Variants in SETDB2 observed in about 807,000 individuals in gnomAD.
SETDB2 encodes the protein SET domain bifurcated histone lysine methyltransferase 2, also known as histone-lysine N-methyltransferase SETDB2.
In SETDB2, 56 loss-of-function variants were observed where a neutral mutation model predicts 82.5. That is an observed-to-expected ratio of 0.68 (90% CI 0.55 to 0.85). The LOEUF (loss-of-function observed/expected upper bound fraction) is 0.85, where lower values mean the gene tolerates loss of function less well. SETDB2 is among the 40% of genes least tolerant of loss of function. The probability of loss-of-function intolerance (pLI) is 0.00; values close to 1 mark genes in which losing one functional copy is unlikely to be tolerated. For synonymous variants in SETDB2, 272 were observed against 284.9 expected, an observed-to-expected ratio of 0.95 and a Z score of 0.46; for missense variants, 677 against 816.4, an observed-to-expected ratio of 0.83 and a Z score of 2.08.
intron 5 of SETDB2, among the ~76,000 whole-genome samples, chr13:49,470,966 C>CTTTCTTTCTTTTTTTTTTTTTTT (rs10695231): frequency 5.0e-5 from 4 of 80,482 alleles, no homozygotes; most frequent in Non-Finnish European, 6.4e-5. Flanking sequence ...TTCTTTCTTT[C>CTTTCTTTCTTTTTTTTTTTTTTT]TTTTTTTTTT....
rs1958451665 is a variant in SETDB2 at position 49,480,267 on chromosome 13, C to T, written c.918C>T (p.Ser306=). The stretch of plus-strand genomic sequence containing the variant: ...TGACAGCAAGGAATGCCAAAACTTC[C>T]CCCTTGTCAAGTGACAAAATAACCA... ...LQLTARNAKT[S]PLSSDKITTG... is the part of the protein sequence containing the mutation. The change falls in exon 7 of 14, where the codon TCC becomes TCT. Residue 306 remains serine (S), a synonymous_variant. Transcript: ENST00000611815. The T allele has an allele frequency of 6.2e-7, 1 of 1,611,628 alleles. No individual in the cohort carries two copies. Among genetic ancestry groups the T allele is most frequent in the Admixed American group, 1.7e-5 (1 of 59,240 alleles).
At chr13:49,483,341 TCTTA>T (rs1387941115) in intron 9 of SETDB2, 119 bp from the exon 10 acceptor site, 2 of 436,928 alleles carry the variant, frequency 4.6e-6, no homozygotes, top group Non-Finnish European at 8.2e-6. Context: ...ACATAGATGT[TCTTA>T]CTTAGGTTAA....
intron 5 of SETDB2, among the ~76,000 whole-genome samples, chr13:49,471,936 T>TATA (rs71664753): frequency 3.3e-3 from 317 of 95,772 alleles, no homozygotes; most frequent in African/African-American, 8.2e-3. Flanking sequence ...ATATATATAT[T>TATA]TTTTTTTTTT....
intron 5 of SETDB2, among the ~76,000 whole-genome samples, chr13:49,471,671 T>G (rs1958244577): frequency 6.6e-6 from 1 of 151,750 alleles, no homozygotes; most frequent in African/African-American, 2.4e-5. Context: ...TGCACACACA[T>G]GTACCTACAC....
intron 13 of SETDB2, 41 bp downstream of exon 13, chr13:49,490,951 C>G: frequency 6.6e-7 from 1 of 1,520,428 alleles, no homozygotes; most frequent in East Asian, 2.3e-5. Context: ...GAAATTGTGA[C>G]TTTAAAAATA....
rs748276039 is a variant in SETDB2, at chr13:49,483,470, G to A, written c.1389G>A (p.Thr463=). The change falls in exon 10 of 14, where the codon ACG becomes ACA. Residue 463 remains threonine, a synonymous_variant. Transcript: ENST00000611815. ...ACTTTTTTTTCCTTTTTAGGGAAAC[G>A]AAATATGATAATATTTCAAGAATTC... ...SNNPKELTVE[T]KYDNISRIQY... is the part of the protein sequence containing the mutation. 20 of 1,343,676 alleles carry A rather than the reference G, an allele frequency of 1.5e-5. No homozygotes were observed. Among genetic ancestry groups the A allele is most frequent in the African/African-American group, 3.0e-5 (2 of 65,996 alleles). The allele number at this position is 1,343,676 out of a possible 1,614,324, so 83.2% of individuals were successfully genotyped here.
Position 49,491,881 on chromosome 13 carries a change from C to T in SETDB2, c.*32C>T. ...AACTAACGCCTGTTTGTGAAATTAG[C>T]TTATCAGGCTGAAATTAAAGCCATG... On this transcript the variant is annotated 3_prime_UTR_variant, in exon 14 of 14. Transcript: ENST00000611815. The T allele has an allele frequency of 4.2e-6, 6 of 1,429,254 alleles. No individual in the cohort carries two copies. The highest frequency in any genetic ancestry group is 5.9e-6 in the Non-Finnish European group (6 of 1,012,984). 88.5% of individuals were successfully genotyped at this position (1,429,254 alleles called of 1,614,324 possible).
chr13:49,466,671 G>T (rs942504160), intron 4 of SETDB2, among the ~76,000 whole-genome samples: 6 of 152,022 alleles, frequency 3.9e-5, no homozygotes, highest in Non-Finnish European at 8.8e-5. Context: ...TAGAGAGAGG[G>T]TCTTCCTCTG....
intron 5 of SETDB2, among the ~76,000 whole-genome samples, chr13:49,470,172 A>G (rs893212617): frequency 9.9e-5 from 15 of 152,192 alleles, no homozygotes; most frequent in Non-Finnish European, 5.9e-5. Context: ...CCATCTCTTT[A>G]GGACTGTTTA....
chr13:49,477,173 C>T (rs1958384114), intron 6 of SETDB2, 134 bp downstream of exon 6: 8 of 793,528 alleles, frequency 1.0e-5, no homozygotes, highest in South Asian at 4.2e-5. Context: ...TGGTGGCCCA[C>T]GTGTGTAATC....
chr13:49,483,005 T>C, intron 9 of SETDB2, 43 bp downstream of exon 9: 1 of 1,197,478 alleles, frequency 8.4e-7, no homozygotes, highest in Non-Finnish European at 1.2e-6. Context: ...TAAATTATTA[T>C]CAATCAATTG....
At chr13:49,463,716 CCTT>C (rs1191722111) in intron 4 of SETDB2, among the ~76,000 whole-genome samples, 1 of 151,850 alleles carries the variant, frequency 6.6e-6, no homozygotes, top group African/African-American at 2.4e-5. Context: ...TGGCTCATGA[CCTT>C]CACTCCACCA....
chr13:49,457,543 C>T (rs1957912271), intron 2 of SETDB2, among the ~76,000 whole-genome samples: 1 of 151,436 alleles, frequency 6.6e-6, no homozygotes, highest in Non-Finnish European at 1.5e-5. Context: ...AAGCAATTCT[C>T]ATGCCTCAGC....
intron 5 of SETDB2, among the ~76,000 whole-genome samples, chr13:49,468,463 CT>C (rs1169076820): frequency 6.6e-6 from 1 of 151,766 alleles, no homozygotes; most frequent in East Asian, 1.9e-4. Context: ...AAGAGTGAAT[CT>C]AGATACTCTG....
At position 49,488,481 on chromosome 13, in the gene SETDB2, A is replaced by C; in HGVS notation, c.1768A>C (p.Thr590Pro). 6.2e-7 allele frequency: 1 copy of C among 1,614,176 alleles called. No individual in the cohort carries two copies. Among genetic ancestry groups the C allele is most frequent in the African/African-American group, 1.3e-5 (1 of 75,074 alleles). ...TCAGAAACCCCAAGAGGGACGATCTACAGCATGTCAAAGACAGCAGGTATT... is the reference window on the plus strand; with the variant it reads ...TCAGAAACCCCAAGAGGGACGATCTCCAGCATGTCAAAGACAGCAGGTATT... ...QIQKPQEGRS[T>P]ACQRQQVFCD... is the part of the protein sequence containing the mutation. The change falls in exon 12 of 14, where the codon ACA becomes CCA. Residue 590 changes from threonine (T) to proline (P), a missense_variant. By Grantham distance (38) the Thr-to-Pro change is conservative. Transcript: ENST00000611815.
At chr13:49,457,579 G>A (rs1245550465) in intron 2 of SETDB2, among the ~76,000 whole-genome samples, 2 of 151,504 alleles carry the variant, frequency 1.3e-5, no homozygotes, top group South Asian at 2.1e-4. Context: ...GACCACATGC[G>A]TGTGCCACCA....
intron 10 of SETDB2, 90 bp from the exon 11 acceptor site, chr13:49,485,540 T>C: frequency 1.0e-6 from 1 of 970,118 alleles, no homozygotes; most frequent in African/African-American, 1.6e-5. Flanking sequence ...ACATATAGCC[T>C]ATGATGATTG....
intron 5 of SETDB2, among the ~76,000 whole-genome samples, chr13:49,471,156 T>TC (rs1371808192): frequency 6.6e-6 from 1 of 151,078 alleles, no homozygotes; most frequent in Non-Finnish European, 1.5e-5. Flanking sequence ...TTTTTTTTTT[T>TC]TGTAGCGATG....
intron 7 of SETDB2, 121 bp downstream of exon 7, chr13:49,480,456 C>A (rs1297398004): frequency 4.8e-6 from 3 of 625,102 alleles, no homozygotes; most frequent in Non-Finnish European, 8.4e-6. Context: ...TACCAAAAAT[C>A]TAAATTATTA....
Sources: gnomAD v4.1 joint callset for allele counts (sites outside exome capture counted in the v4.1 genomes callset) on GRCh38, gnomAD v4.1.1 for gene constraint, MANE v1.5 for transcripts, NCBI Gene and HGNC (gene_info 2026-07-23, HGNC 2026-07-21) for gene names.